RGS18: variants seen among roughly 807,000 people sequenced by gnomAD.
RGS18 encodes regulator of G protein signaling 18.
Under a neutral mutation model 27.6 loss-of-function variants are expected in RGS18, and 22 were observed. The ratio of observed to expected loss-of-function variants is 0.80; its 90% CI spans 0.57 to 1.14. The LOEUF is 1.14. Ranked by LOEUF, RGS18 falls within the 50% of genes most tolerant of loss-of-function variation. RGS18 has a pLI of 0.00. For synonymous variants in RGS18, 89 were observed against 84.6 expected (o/e 1.05, Z -0.29); for missense variants, 299 against 269.6 (o/e 1.11, Z -0.76).
At chr1:192,179,238 A>G (rs1007066525) in intron 3 of RGS18, among the ~76,000 whole-genome samples, 7 of 151,592 alleles carry the variant, frequency 4.6e-5, no homozygotes, top group African/African-American at 1.5e-4. Context: ...TCCTTATGCA[A>G]TAACTTACAT....
intron 4 of RGS18, among the ~76,000 whole-genome samples, chr1:192,181,882 T>C (rs932592534): frequency 6.6e-6 from 1 of 151,634 alleles, no homozygotes; most frequent in Non-Finnish European, 1.5e-5. Context: ...TGGTAACCAC[T>C]ATTCTGCTCT....
intron 3 of RGS18, among the ~76,000 whole-genome samples, chr1:192,172,222 A>G (rs984910180): frequency 3.3e-5 from 5 of 152,016 alleles, no homozygotes; most frequent in African/African-American, 9.7e-5. Context: ...ATTTGTTTCT[A>G]TCATGGGAGA....
intron 3 of RGS18, among the ~76,000 whole-genome samples, chr1:192,174,460 T>C (rs1656322830): frequency 6.6e-6 from 1 of 151,822 alleles, no homozygotes; most frequent in Non-Finnish European, 1.5e-5. Flanking sequence ...TGTTTAAGTT[T>C]TATATATTGT....
chr1:192,178,120 T>C (rs1353655387), intron 3 of RGS18, among the ~76,000 whole-genome samples: 2 of 151,672 alleles, frequency 1.3e-5, no homozygotes, highest in African/African-American at 4.8e-5. Context: ...GAATTTTTTT[T>C]TAAGATTTGA....
At chr1:192,161,708 T>C (rs537549912) in intron 3 of RGS18, among the ~76,000 whole-genome samples, 2 of 152,294 alleles carry the variant, frequency 1.3e-5, no homozygotes, top group African/African-American at 2.4e-5. Context: ...CTACTCCTTG[T>C]AGCGTTGCCC....
chr1:192,169,968 A>T (rs1656228016), intron 3 of RGS18, among the ~76,000 whole-genome samples: 1 of 152,190 alleles, frequency 6.6e-6, no homozygotes, highest in Admixed American at 6.5e-5. Flanking sequence ...AAGATTAAGT[A>T]AGTATAGGTG....
intron 3 of RGS18, chr1:192,169,226 G>C (rs1656215088): frequency 6.6e-6 from 1 of 152,078 alleles, no homozygotes. Context: ...CTGAAATCAT[G>C]AAAATTATTT....
At chr1:192,175,462 T>G (rs1656342864) in intron 3 of RGS18, among the ~76,000 whole-genome samples, 1 of 151,880 alleles carries the variant, frequency 6.6e-6, no homozygotes, top group Non-Finnish European at 1.5e-5. Flanking sequence ...TCTGATCAGC[T>G]TGATCCTTTA....
Position 192,185,760 on chromosome 1 carries a change from A to AT in RGS18, c.*1211dup, listed in dbSNP as rs1365345246. On this transcript the variant is annotated 3_prime_UTR_variant, in exon 5 of 5. Coordinates refer to ENST00000367460, the MANE Select transcript of RGS18 (RefSeq NM_130782.3). ...CTTTAGATCATTTGTAGTAATAAAT[A>AT]TTTTTAACTTCATTCATACAGTTAA... 6.6e-6 allele frequency: 1 copy of AT among 151,636 alleles called. No individual in the cohort carries two copies. The highest frequency in any genetic ancestry group is 1.5e-5 in the Non-Finnish European group (1 of 67,710). 9.4% of individuals were successfully genotyped at this position (151,636 alleles called of 1,614,324 possible). A position where few individuals can be genotyped will look rare whatever the true frequency, so the allele number is the denominator to read the frequency against.
chr1:192,163,151 G>A (rs1656102029), intron 3 of RGS18: 1 of 152,172 alleles, frequency 6.6e-6, no homozygotes, highest in South Asian at 2.1e-4. Context: ...ATAGATTTCT[G>A]TCAGGATTAA....
chr1:192,168,273 G>A (rs571781995), intron 3 of RGS18: 183 of 151,386 alleles, frequency 1.2e-3, no homozygotes, highest in African/African-American at 4.2e-3. Context: ...CTTTAAAAAA[G>A]TTATTTACTT....
At chr1:192,161,173 AT>A (rs1440183498) in intron 3 of RGS18, among the ~76,000 whole-genome samples, 21 of 152,302 alleles carry the variant, frequency 1.4e-4, no homozygotes, top group Non-Finnish European at 1.5e-5. Flanking sequence ...TTTAAAAAAA[AT>A]TTATAAATTC....
chr1:192,158,669 T>C lies in RGS18; in HGVS notation c.32T>C (p.Ile11Thr). Residue 11 changes from isoleucine to threonine, a missense_variant, in exon 1 of 5, where the codon ATA (isoleucine) becomes ACA (threonine). Coordinates refer to ENST00000367460, the MANE Select transcript of RGS18 (RefSeq NM_130782.3). METTLLFFSQ[I>T]NMCESKEKTF... ...ACAACATTGCTTTTCTTTTCTCAAA[T>C]AAATATGTGTGAATCAAAAGAAAAA... The C allele has an allele frequency of 6.4e-7, 1 of 1,574,444 alleles. No homozygotes were observed. The highest frequency in any genetic ancestry group is 8.6e-7 in the Non-Finnish European group (1 of 1,166,490).
At chr1:192,177,511 C>T (rs1003143028) in intron 3 of RGS18, among the ~76,000 whole-genome samples, 4 of 151,574 alleles carry the variant, frequency 2.6e-5, no homozygotes, top group African/African-American at 9.7e-5. Context: ...CAAGGGTCTT[C>T]GTCTTATATA....
Position 192,184,808 on chromosome 1 carries a change from C to T in RGS18, c.*254C>T, listed in dbSNP as rs960420536. 2.7e-6 allele frequency: 1 copy of T among 376,450 alleles called. No homozygotes were observed. The highest frequency in any genetic ancestry group is 4.8e-6 in the Non-Finnish European group (1 of 208,734). The allele number at this position is 376,450 out of a possible 1,614,324, so 23.3% of individuals were successfully genotyped here. On this transcript the variant is annotated 3_prime_UTR_variant, in exon 5 of 5. Coordinates refer to ENST00000367460, the MANE Select transcript of RGS18 (RefSeq NM_130782.3). ...CTTATTTCTTAATCAAAAGGCAGTA[C>T]AAAAAAAGTAATAATGTTTTATAAG...
At chr1:192,174,776 T>C (rs1352281151) in intron 3 of RGS18, among the ~76,000 whole-genome samples, 1 of 151,892 alleles carries the variant, frequency 6.6e-6, no homozygotes. Context: ...TTCATCTTCC[T>C]GATACTTTTC....
At chr1:192,171,250 T>C (rs1656251066) in intron 3 of RGS18, among the ~76,000 whole-genome samples, 1 of 151,914 alleles carries the variant, frequency 6.6e-6, no homozygotes, top group Non-Finnish European at 1.5e-5. Flanking sequence ...AAGAATACAC[T>C]AACTGAGCTA....
chr1:192,170,233 T>G lies in RGS18; in HGVS notation c.283+9794T>G, dbSNP rs575044370. ...TGATACGGTTTGGTTGTGTGACCTA[T>G]CCAAATGTCATGCTGAAATGTGACC... On this transcript the variant is annotated intron_variant, in intron 3 of 4. Coordinates refer to ENST00000367460, the MANE Select transcript of RGS18 (RefSeq NM_130782.3). 3.3e-5 allele frequency among the ~76,000 whole-genome samples: 5 copies of G among 152,250 alleles called. No individual in the cohort carries two copies. The South Asian group carries it at 1.0e-3, about 32-fold the overall frequency.
chr1:192,171,458 C>G (rs1013162060), intron 3 of RGS18, among the ~76,000 whole-genome samples: 1 of 151,916 alleles, frequency 6.6e-6, no homozygotes, highest in Admixed American at 6.6e-5. Context: ...TCTTTTTGAG[C>G]CCAACCTTCC....
Sources: gnomAD v4.1 joint callset for allele counts (sites outside exome capture counted in the v4.1 genomes callset) on GRCh38, gnomAD v4.1.1 for gene constraint, MANE v1.5 for transcripts, NCBI Gene and HGNC (gene_info 2026-07-23, HGNC 2026-07-21) for gene names.